Variants in NKAIN3 observed in about 807,000 individuals in gnomAD.
NKAIN3 encodes the protein sodium/potassium transporting ATPase interacting 3.
NKAIN3 carries 25 observed loss-of-function variants against 30.2 expected under a neutral mutation model. That is an observed-to-expected ratio of 0.83 (90% CI 0.60 to 1.16). The LOEUF (loss-of-function observed/expected upper bound fraction) is 1.16, where lower values mean the gene tolerates loss of function less well. Among genes scored for constraint, NKAIN3 ranks in the 50% most tolerant of loss-of-function variants. NKAIN3 has a pLI of 0.00. For missense variants in NKAIN3, 225 were observed against 254.1 expected (o/e 0.89, Z 0.78); for synonymous variants, 91 against 89.6 (o/e 1.02, Z -0.09).
At chr8:62,882,155 TA>T (rs1428616443) in intron 4 of NKAIN3, among the ~76,000 whole-genome samples, 8 of 152,226 alleles carry the variant, frequency 5.3e-5, no homozygotes, top group African/African-American at 1.9e-4. Flanking sequence ...AACAGTCCTT[TA>T]TCAGATGCCT....
chr8:62,899,980 G>A (rs1251175595), intron 4 of NKAIN3, among the ~76,000 whole-genome samples: 2 of 149,902 alleles, frequency 1.3e-5, no homozygotes, highest in African/African-American at 2.5e-5. Flanking sequence ...ACTATTATGC[G>A]ATTCATCCAT....
intron 3 of NKAIN3, among the ~76,000 whole-genome samples, chr8:62,705,584 T>C (rs1029262429): frequency 1.3e-5 from 2 of 152,300 alleles, no homozygotes; most frequent in East Asian, 1.9e-4. Flanking sequence ...GATGGGAATT[T>C]ATGTCACTTA....
At chr8:62,414,045 C>T (rs2129596134) in intron 1 of NKAIN3, among the ~76,000 whole-genome samples, 1 of 152,068 alleles carries the variant, frequency 6.6e-6, no homozygotes, top group Admixed American at 6.5e-5. Flanking sequence ...GTTGATAAAG[C>T]TTGGGAATAT....
chr8:62,729,040 C>CAAAAAAAAAAAAAAAAAA (rs1317282077), intron 3 of NKAIN3, among the ~76,000 whole-genome samples: 7 of 61,200 alleles, frequency 1.1e-4, no homozygotes, highest in Admixed American at 2.2e-4. Context: ...AAAAAAAAAA[C>CAAAAAAAAAAAAAAAAAA]AAAAAAAAAA....
intron 3 of NKAIN3, among the ~76,000 whole-genome samples, chr8:62,599,076 G>A (rs1301217331): frequency 5.3e-5 from 8 of 152,040 alleles, no homozygotes; most frequent in African/African-American, 9.7e-5. Flanking sequence ...CCACCACAGA[G>A]CATGTCTTAA....
At position 62,856,974 on chromosome 8, in the gene NKAIN3, A is replaced by T. The variant is rs945614439; in HGVS notation, c.472-61479A>T. On this transcript the variant is annotated intron_variant, in intron 4 of 6. Coordinates refer to ENST00000623646, the MANE Select transcript of NKAIN3 (RefSeq NM_001304533.3). ...TGGAGGCATCAACAAAAAAAAAACA[A>T]ACTATCTCTTCCTGAATACTTATAG... 10 of 538,328 alleles carry T rather than the reference A, an allele frequency of 1.9e-5. No individual in the cohort carries two copies. In the African/African-American group the frequency reaches 2.0e-4, roughly 11 times the overall value. 33.3% of individuals were successfully genotyped at this position (538,328 alleles called of 1,614,324 possible).
chr8:62,856,606 G>T, intron 4 of NKAIN3: 1 of 777,742 alleles, frequency 1.3e-6, no homozygotes, highest in South Asian at 1.3e-5. Flanking sequence ...ATCTTGTTAT[G>T]ACTCATCATG....
intron 4 of NKAIN3, among the ~76,000 whole-genome samples, chr8:62,849,834 T>G (rs1819827080): frequency 6.6e-6 from 1 of 152,086 alleles, no homozygotes; most frequent in African/African-American, 2.4e-5. Context: ...TGTGCCACAT[T>G]TTCTTAATCC....
At chr8:62,270,724 A>T (rs1251249604) in intron 1 of NKAIN3, among the ~76,000 whole-genome samples, 1 of 152,152 alleles carries the variant, frequency 6.6e-6, no homozygotes, top group African/African-American at 2.4e-5. Flanking sequence ...TACTCCTGCC[A>T]ATCTCCAACC....
intron 1 of NKAIN3, among the ~76,000 whole-genome samples, chr8:62,530,938 C>A (rs1808469574): frequency 6.6e-6 from 1 of 152,158 alleles, no homozygotes; most frequent in Non-Finnish European, 1.5e-5. Context: ...AACCACCGTG[C>A]CTGGCCCACT....
intron 4 of NKAIN3, among the ~76,000 whole-genome samples, chr8:62,843,623 C>T (rs1485349704): frequency 6.6e-6 from 1 of 152,110 alleles, no homozygotes; most frequent in Non-Finnish European, 1.5e-5. Flanking sequence ...GCATTAGTCA[C>T]CATGGCCGGC....
At chr8:62,358,996 A>G (rs1358701319) in intron 1 of NKAIN3, among the ~76,000 whole-genome samples, 1 of 152,164 alleles carries the variant, frequency 6.6e-6, no homozygotes, top group Non-Finnish European at 1.5e-5. Flanking sequence ...CCTGGCTAAC[A>G]CGGTGAAACC....
intron 1 of NKAIN3, among the ~76,000 whole-genome samples, chr8:62,500,493 G>A (rs1192622359): frequency 3.0e-5 from 4 of 133,884 alleles, no homozygotes; most frequent in African/African-American, 1.1e-4. Context: ...AAGAAGAAAA[G>A]AAAGAAAGAA....
intron 1 of NKAIN3, among the ~76,000 whole-genome samples, chr8:62,423,305 C>T (rs1376154766): frequency 6.6e-6 from 1 of 151,922 alleles, no homozygotes; most frequent in Admixed American, 6.6e-5. Context: ...CCTTACTCAT[C>T]AGATTTACCA....
At chr8:62,947,251 C>T (rs972223147) in intron 5 of NKAIN3, among the ~76,000 whole-genome samples, 20 of 152,236 alleles carry the variant, frequency 1.3e-4, no homozygotes, top group Non-Finnish European at 2.9e-5. Flanking sequence ...TTATTAACCC[C>T]TTCCCCTCCT....
intron 5 of NKAIN3, among the ~76,000 whole-genome samples, chr8:62,941,596 G>T (rs901084091): frequency 2.0e-5 from 3 of 152,068 alleles, no homozygotes; most frequent in African/African-American, 7.2e-5. Flanking sequence ...ACACAGGGAT[G>T]GTTTAACATA....
At chr8:62,938,481 C>A (rs1017959338) in intron 5 of NKAIN3, among the ~76,000 whole-genome samples, 2 of 152,058 alleles carry the variant, frequency 1.3e-5, no homozygotes, top group African/African-American at 4.8e-5. Context: ...TAACCAAAGT[C>A]TCACACAGAG....
At chr8:62,928,630 A>G (rs1822521434) in intron 5 of NKAIN3, among the ~76,000 whole-genome samples, 1 of 152,122 alleles carries the variant, frequency 6.6e-6, no homozygotes, top group African/African-American at 2.4e-5. Context: ...TGTATTCTAG[A>G]CGAGGGTTCC....
At chr8:62,419,919 A>G (rs191255408) in intron 1 of NKAIN3, among the ~76,000 whole-genome samples, 194 of 152,284 alleles carry the variant, frequency 1.3e-3, no homozygotes, top group African/African-American at 4.6e-3. Flanking sequence ...CCCATGTTCA[A>G]TTAATCAAGC....
Sources: gnomAD v4.1 joint callset for allele counts (sites outside exome capture counted in the v4.1 genomes callset) on GRCh38, gnomAD v4.1.1 for gene constraint, MANE v1.5 for transcripts, NCBI Gene and HGNC (gene_info 2026-07-23, HGNC 2026-07-21) for gene names.